MGAT5B: variants seen among roughly 807,000 people sequenced by gnomAD.
The protein encoded by MGAT5B is alpha-1,6-mannosylglycoprotein 6-beta-N-acetylglucosaminyltransferase B.
Under a neutral mutation model 95.1 loss-of-function variants are expected in MGAT5B, and 54 were observed. The observed-to-expected ratio is 0.57, with a 90% CI of 0.46 to 0.71. The LOEUF (loss-of-function observed/expected upper bound fraction) is 0.71, where lower values mean the gene tolerates loss of function less well. Ranked by LOEUF, MGAT5B falls within the 30% of genes least tolerant of loss-of-function variation. The pLI, the probability that MGAT5B is intolerant of heterozygous loss-of-function variation, is 0.00. For synonymous variants in MGAT5B, 464 were observed against 451.0 expected (o/e 1.03, Z -0.36); for missense variants, 935 against 1,088.6 (o/e 0.86, Z 1.99).
rs1365340226 is a variant in MGAT5B, at chr17:76,906,138, G to A, written c.976G>A (p.Val326Ile). ...QWADILTALY[V>I]LGHGLRVTVS... The stretch of plus-strand genomic sequence containing the variant: ...GGCGGACATTCTGACTGCACTCTAT[G>A]TCCTGGGCCATGGCCTGCGGGTCAC... Residue 326 changes from valine to isoleucine, a missense_variant, in exon 8 of 18, where the codon GTC becomes ATC. Physicochemically the swap from Val to Ile is conservative, Grantham distance 29. This residue lies in a region of MGAT5B where 243 missense variants were observed against 305.5 expected (regional missense o/e 0.80). Coordinates refer to ENST00000569840, the MANE Select transcript of MGAT5B (RefSeq NM_001199172.2). This position sits in a 1 kb window ranked among gnomAD's most constrained non-coding sequence, Gnocchi z 4.6. The A allele has an allele frequency of 2.5e-6, 4 of 1,607,866 alleles. No individual in the cohort carries two copies. The highest frequency in any genetic ancestry group is 1.3e-5 in the African/African-American group (1 of 74,250).
chr17:76,916,768 G>A lies in MGAT5B; in HGVS notation c.1026-8198G>A, dbSNP rs1460616805. Among the ~76,000 whole-genome samples, 2 of 152,184 alleles carry A rather than the reference G, an allele frequency of 1.3e-5. No individual in the cohort carries two copies. The highest frequency in any genetic ancestry group is 2.9e-5 in the Non-Finnish European group (2 of 68,032). ...CGTGGGTTCTCGAGAAGGGATGAGGGGACCAGTGTTCTTCCTCTGCCAAGG... is the reference window on the plus strand; with the variant it reads ...CGTGGGTTCTCGAGAAGGGATGAGGAGACCAGTGTTCTTCCTCTGCCAAGG... On this transcript the variant is annotated intron_variant, in intron 8 of 17. Transcript: ENST00000569840. This position sits in a 1 kb window ranked among gnomAD's most constrained non-coding sequence, Gnocchi z 5.3.
In MGAT5B at chr17:76,921,958, G is replaced by A. The variant is rs536366782; in HGVS notation, c.1026-3008G>A. 4.2e-4 allele frequency among the ~76,000 whole-genome samples: 64 copies of A among 152,274 alleles called. 1 individual carries two copies. Among genetic ancestry groups the A allele is most frequent in the Non-Finnish European group, 8.5e-4 (58 of 68,020 alleles). ...ATGAATCAGTAAGTTGAAAGCACATGGAATGATGCTTGTGTCCAAAACGTT... is the reference window on the plus strand; with the variant it reads ...ATGAATCAGTAAGTTGAAAGCACATAGAATGATGCTTGTGTCCAAAACGTT... On this transcript the variant is annotated intron_variant, in intron 8 of 17. Transcript: ENST00000569840.
chr17:76,935,717 A>T (rs1969630267), intron 12 of MGAT5B, among the ~76,000 whole-genome samples: 1 of 143,262 alleles, frequency 7.0e-6, no homozygotes, highest in African/African-American at 2.6e-5. Flanking sequence ...TATATCCTGG[A>T]TCCAAGTCTC....
At position 76,900,872 on chromosome 17, in the gene MGAT5B, TGTGTGC is replaced by T. The variant is rs905976625; in HGVS notation, c.330-1677_330-1672del. ...GAGGACAGACTGGATTGTGTGTGCA[TGTGTGC>T]GTGTGTGTGCATGTGTGTGCATGTG... is the stretch of plus-strand genomic sequence containing the variant. On this transcript the variant is annotated intron_variant, in intron 3 of 17. Coordinates refer to ENST00000569840, the MANE Select transcript of MGAT5B (RefSeq NM_001199172.2). 1.6e-4 allele frequency among the ~76,000 whole-genome samples: 23 copies of T among 139,658 alleles called. 1 individual carries two copies. The highest frequency in any genetic ancestry group is 5.4e-4 in the African/African-American group (17 of 31,608). 91.6% of individuals were successfully genotyped at this position (139,658 alleles called of 152,430 possible). A position where few individuals can be genotyped will look rare whatever the true frequency, so the allele number is the denominator to read the frequency against.
At chr17:76,891,539 C>T (rs1967870057) in intron 3 of MGAT5B, among the ~76,000 whole-genome samples, 1 of 152,120 alleles carries the variant, frequency 6.6e-6, no homozygotes, top group Non-Finnish European at 1.5e-5. Context: ...GCCACCACAC[C>T]CAGCTAATAT....
At chr17:76,901,673 G>A (rs1334539056) in intron 3 of MGAT5B, among the ~76,000 whole-genome samples, 1 of 152,246 alleles carries the variant, frequency 6.6e-6, no homozygotes, top group Non-Finnish European at 1.5e-5. Flanking sequence ...GGAAGGATTT[G>A]TTCTCAGGAA....
intron 10 of MGAT5B, among the ~76,000 whole-genome samples, chr17:76,928,328 G>A (rs151258773): frequency 5.9e-4 from 90 of 152,242 alleles, no homozygotes; most frequent in African/African-American, 1.8e-3. Flanking sequence ...TGGAAATAGA[G>A]GCAGGGAGGA....
In MGAT5B at chr17:76,940,337, T is replaced by A. The variant is rs1322392507; in HGVS notation, c.1585-65T>A. The A allele has an allele frequency of 6.7e-7, 1 of 1,495,796 alleles. No individual in the cohort carries two copies. Among genetic ancestry groups the A allele is most frequent in the Non-Finnish European group, 8.9e-7 (1 of 1,121,914 alleles). The allele number at this position is 1,495,796 out of a possible 1,614,324, so 92.7% of individuals were successfully genotyped here. A position where few individuals can be genotyped will look rare whatever the true frequency, so the allele number is the denominator to read the frequency against. ...CCGAAGCCTCACCTTGTCCCCGGCA[T>A]CCTGGTGCTTACTGGGCTGTGGCGG... On this transcript the variant is annotated intron_variant, in intron 13 of 17. Transcript: ENST00000569840. This position sits in a 1 kb window ranked among gnomAD's most constrained non-coding sequence, Gnocchi z 4.3.
Position 76,947,893 on chromosome 17 carries a change from C to G in MGAT5B, c.1987C>G (p.Leu663Val). The change falls in exon 17 of 18, where the codon CTG (leucine) becomes GTG (valine). Residue 663 changes from leucine to valine, a missense_variant. This residue lies in a region of MGAT5B where 440 missense variants were observed against 523.6 expected (regional missense o/e 0.84). Transcript: ENST00000569840. ...CCACGCCCCGCAGAGCCCCTTTGTCCTGGCCCCCAATGCCACCCACCTCGA... is the reference window on the plus strand; with the variant it reads ...CCACGCCCCGCAGAGCCCCTTTGTCGTGGCCCCCAATGCCACCCACCTCGA... Reference protein sequence around the residue: ...EAHAPQSPFVLAPNATHLEWA... With the variant: ...EAHAPQSPFVVAPNATHLEWA... 6.2e-7 allele frequency: 1 copy of G among 1,613,146 alleles called. No homozygotes were observed. The highest frequency in any genetic ancestry group is 8.5e-7 in the Non-Finnish European group (1 of 1,179,402).
chr17:76,879,834 T>A (rs1967341316), intron 2 of MGAT5B, among the ~76,000 whole-genome samples: 1 of 151,584 alleles, frequency 6.6e-6, no homozygotes, highest in Non-Finnish European at 1.5e-5. Context: ...GAGAGGGAGC[T>A]ATCTATATCC....
At chr17:76,945,290 A>G (rs997005243) in intron 15 of MGAT5B, among the ~76,000 whole-genome samples, 1 of 151,862 alleles carries the variant, frequency 6.6e-6, no homozygotes, top group Admixed American at 6.6e-5. Flanking sequence ...TTAGATATTT[A>G]TTTATTTATT....
intron 2 of MGAT5B, among the ~76,000 whole-genome samples, chr17:76,873,497 T>C (rs1967078015): frequency 6.6e-6 from 1 of 152,210 alleles, no homozygotes; most frequent in Admixed American, 6.5e-5. Flanking sequence ...GCTTGCATCC[T>C]TGTCATCACC....
chr17:76,905,906 C>A lies in MGAT5B; in HGVS notation c.856-112C>A. 8.1e-7 allele frequency: 1 copy of A among 1,240,396 alleles called. No homozygotes were observed. The highest frequency in any genetic ancestry group is 1.1e-6 in the Non-Finnish European group (1 of 910,270). 76.8% of individuals were successfully genotyped at this position (1,240,396 alleles called of 1,614,324 possible). On this transcript the variant is annotated intron_variant, in intron 7 of 17. Transcript: ENST00000569840. This position sits in a 1 kb window ranked among gnomAD's most constrained non-coding sequence, Gnocchi z 4.2. ...GGTGCCGGAAAGCACCTGCTGGGGCCCAGCCTGGAGACAGGGTCTGCTGCC... is the reference window on the plus strand; with the variant it reads ...GGTGCCGGAAAGCACCTGCTGGGGCACAGCCTGGAGACAGGGTCTGCTGCC...
At chr17:76,907,594 T>C (rs1264901814) in intron 8 of MGAT5B, among the ~76,000 whole-genome samples, 6 of 152,272 alleles carry the variant, frequency 3.9e-5, no homozygotes. Context: ...TGTGCCATAA[T>C]TATGTATCAG....
At chr17:76,893,014 C>A (rs1967933705) in intron 3 of MGAT5B, among the ~76,000 whole-genome samples, 1 of 152,260 alleles carries the variant, frequency 6.6e-6, no homozygotes, top group Middle Eastern at 3.4e-3. Flanking sequence ...CCAGGGCAGG[C>A]CTTTCTTTCT....
At chr17:76,881,021 G>T (rs998486290) in intron 2 of MGAT5B, among the ~76,000 whole-genome samples, 5 of 152,202 alleles carry the variant, frequency 3.3e-5, no homozygotes, top group African/African-American at 1.2e-4. Context: ...CGTTTTGGGG[G>T]AGTGATTTCA....
At position 76,940,483 on chromosome 17, in the gene MGAT5B, C is replaced by T. The variant is rs768983574; in HGVS notation, c.1666C>T (p.Arg556Cys). Reference protein sequence around the residue: ...IANGCIFLQSRFSPPHSSLNH... With the variant: ...IANGCIFLQSCFSPPHSSLNH... Reference sequence around the variant, plus strand: ...CAATGGTTGCATCTTCCTGCAGTCCCGCTTCAGCCCGCCCCACAGCTCCCT... The same window carrying T: ...CAATGGTTGCATCTTCCTGCAGTCCTGCTTCAGCCCGCCCCACAGCTCCCT... Residue 556 changes from arginine to cysteine, a missense_variant, in exon 14 of 18, where the codon CGC becomes TGC. Arg to Cys is a radical substitution (Grantham distance 180). Transcript: ENST00000569840. The surrounding 1 kb of genome is among the most constrained non-coding windows in gnomAD (Gnocchi z 4.3). The T allele has an allele frequency of 3.1e-6, 5 of 1,614,024 alleles. No homozygotes were observed. Among genetic ancestry groups the T allele is most frequent in the East Asian group, 2.2e-5 (1 of 44,870 alleles).
At chr17:76,924,780 G>A (rs1425554331) in intron 8 of MGAT5B, among the ~76,000 whole-genome samples, 186 bp from the exon 9 acceptor site, 1 of 152,200 alleles carries the variant, frequency 6.6e-6, no homozygotes, top group Non-Finnish European at 1.5e-5. Flanking sequence ...CCTGCCCCTT[G>A]CTGGATTGCC....
intron 1 of MGAT5B, among the ~76,000 whole-genome samples, chr17:76,871,700 A>T (rs1246550978): frequency 2.0e-5 from 3 of 152,174 alleles, no homozygotes; most frequent in Non-Finnish European, 4.4e-5. Flanking sequence ...CAAGGCCCGG[A>T]GGTCTCTGGC....
Sources: allele counts gnomAD v4.1 joint callset (sites outside exome capture counted in the v4.1 genomes callset), GRCh38; gene constraint gnomAD v4.1.1; regional missense constraint gnomAD v4.1.1; non-coding constraint Gnocchi (gnomAD v3.1); transcripts MANE v1.5; gene names NCBI Gene and HGNC (gene_info 2026-07-23, HGNC 2026-07-21).